The following STRBP variants were observed in gnomAD, a reference collection of about 807,000 sequenced individuals.
STRBP encodes the protein spermatid perinuclear RNA-binding protein.
A neutral mutation model predicts 80.1 loss-of-function variants in STRBP; 13 were observed. The ratio of observed to expected loss-of-function variants is 0.16; its 90% CI spans 0.11 to 0.26. STRBP has a LOEUF of 0.26. STRBP is among the 10% of genes least tolerant of loss of function. The pLI, the probability that STRBP is intolerant of heterozygous loss-of-function variation, is 1.00. For missense variants in STRBP, 485 were observed against 815.2 expected (o/e 0.59, Z 4.93); for synonymous variants, 284 against 291.2 (o/e 0.98, Z 0.25).
intron 2 of STRBP, among the ~76,000 whole-genome samples, chr9:123,203,601 A>G (rs568352712): frequency 6.6e-6 from 1 of 152,022 alleles, no homozygotes; most frequent in South Asian, 2.1e-4. Flanking sequence ...CCCAATATCC[A>G]CATCACCCCT....
At chr9:123,113,667 T>G (rs2132275520) in intron 3 of STRBP, 1 of 167,382 alleles carries the variant, frequency 6.0e-6, no homozygotes, top group South Asian at 2.1e-4. Context: ...GAAGCCTTTG[T>G]GGGGAGGTGG....
chr9:123,145,935 C>G (rs1405079641), intron 13 of STRBP, among the ~76,000 whole-genome samples: 2 of 152,016 alleles, frequency 1.3e-5, no homozygotes, highest in African/African-American at 4.8e-5. Flanking sequence ...GATGTTTACA[C>G]ACTTTGTTGT....
intron 1 of STRBP, among the ~76,000 whole-genome samples, chr9:123,240,548 A>T (rs1430556521): frequency 6.6e-6 from 1 of 152,252 alleles, no homozygotes; most frequent in Non-Finnish European, 1.5e-5. Context: ...TGGATATCAC[A>T]AAATTCAGGT....
At chr9:123,171,263 G>T (rs1440025490) in intron 5 of STRBP, among the ~76,000 whole-genome samples, 1 of 152,088 alleles carries the variant, frequency 6.6e-6, no homozygotes, top group Non-Finnish European at 1.5e-5. Flanking sequence ...TTCTGGTTTT[G>T]GTCATCCTCC....
intron 2 of STRBP, among the ~76,000 whole-genome samples, chr9:123,205,855 T>C (rs2039495508): frequency 6.6e-6 from 1 of 152,210 alleles, no homozygotes; most frequent in Admixed American, 6.5e-5. Context: ...GGCTCAGGTG[T>C]TGATATTATA....
rs2038614200 is a variant in STRBP, at chr9:123,184,417, T to G, written c.-164-119A>C. 3 of 267,186 alleles carry G rather than the reference T, an allele frequency of 1.1e-5. No individual in the cohort carries two copies. In the Admixed American group the frequency reaches 1.6e-4, roughly 14 times the overall value. 16.6% of individuals were successfully genotyped at this position (267,186 alleles called of 1,614,324 possible). ...AGAAATAAACTCAATAGAGGAAAAT[T>G]CCCTCAGTTCAAACAAAAAGCTAAC... is the stretch of plus-strand genomic sequence containing the variant. On this transcript the variant is annotated intron_variant, in intron 2 of 18. Transcript: ENST00000348403.
chr9:123,178,906 GACAAAATCCAAAAAACAGCATAAC>G, intron 4 of STRBP, 77 bp downstream of exon 4: 2 of 1,124,662 alleles, frequency 1.8e-6, no homozygotes, highest in Non-Finnish European at 2.6e-6. Context: ...ATATGCATAA[GACAAAATCCAAAAAACAGCATAAC>G]ACACACTCAA....
intron 2 of STRBP, among the ~76,000 whole-genome samples, chr9:123,225,448 G>A (rs144624206): frequency 2.6e-3 from 403 of 152,252 alleles, no homozygotes; most frequent in African/African-American, 8.5e-3. Context: ...TGGTATACAC[G>A]TGTTATTTCC....
intron 4 of STRBP, among the ~76,000 whole-genome samples, chr9:123,177,620 T>C (rs1266661689): frequency 1.3e-5 from 2 of 152,152 alleles, no homozygotes; most frequent in African/African-American, 4.8e-5. Context: ...TGGAGCATAT[T>C]ATCCTGTACA....
intron 2 of STRBP, among the ~76,000 whole-genome samples, chr9:123,206,657 G>A (rs1005348943): frequency 1.4e-5 from 2 of 146,346 alleles, no homozygotes; most frequent in Non-Finnish European, 3.0e-5. Context: ...TTTTATTTTT[G>A]ACACGGGTTT....
chr9:123,116,171 C>A, intron 2 of STRBP: 1 of 448,952 alleles, frequency 2.2e-6, no homozygotes, highest in Admixed American at 2.4e-5. Context: ...CAAGGGGATC[C>A]CAACACCAGA....
At chr9:123,169,006 G>T (rs2037890481) in intron 6 of STRBP, among the ~76,000 whole-genome samples, 1 of 151,704 alleles carries the variant, frequency 6.6e-6, no homozygotes, top group South Asian at 2.1e-4. Context: ...TGTTAACAGG[G>T]TCACAAACCT....
chr9:123,127,782 A>G (rs547585592), intron 18 of STRBP, among the ~76,000 whole-genome samples: 8 of 152,270 alleles, frequency 5.3e-5, no homozygotes, highest in African/African-American at 1.7e-4. Context: ...GAAGGCTACA[A>G]ATTTGAAGTG....
chr9:123,211,789 CAT>C lies in STRBP; in HGVS notation c.-165+25039_-165+25040del, dbSNP rs551969151. On this transcript the variant is annotated intron_variant, in intron 2 of 18. Transcript: ENST00000348403. Reference sequence around the variant, plus strand: ...AATATAGTGTCCTCCTAACTTATCACATATGAGTATAATTCACAGACTATAAT... The same window carrying C: ...AATATAGTGTCCTCCTAACTTATCACATGAGTATAATTCACAGACTATAAT... Among the ~76,000 whole-genome samples the C allele has an allele frequency of 3.3e-5, 5 of 152,254 alleles. No homozygotes were observed. The East Asian group carries it at 7.7e-4, about 23-fold the overall frequency.
In STRBP at chr9:123,179,072, A is replaced by G. The variant is rs1459733729; in HGVS notation, c.159T>C (p.Asn53=). 1 of 1,614,058 alleles carries G rather than the reference A, an allele frequency of 6.2e-7. No homozygotes were observed. ...TCTCACCCTCTGTTTTTGTGCCTTT[A>G]TTTGTTTCATCCAACCAATCTGAGA... ...KHVSDWLDET[N]KGTKTEGETE... The change falls in exon 4 of 19, where the codon AAT becomes AAC. Residue 53 remains asparagine, a synonymous_variant. Transcript: ENST00000348403.
chr9:123,200,702 G>T (rs2039286449), intron 2 of STRBP, among the ~76,000 whole-genome samples: 1 of 141,956 alleles, frequency 7.0e-6, no homozygotes, highest in South Asian at 2.2e-4. Flanking sequence ...CGAGTAGCTG[G>T]GACTACAGGC....
intron 1 of STRBP, among the ~76,000 whole-genome samples, chr9:123,255,791 T>C (rs2041015066): frequency 1.3e-5 from 2 of 152,164 alleles, no homozygotes; most frequent in Admixed American, 6.5e-5. Context: ...ATTTTCTTTT[T>C]ATCAGAATCA....
intron 11 of STRBP, among the ~76,000 whole-genome samples, chr9:123,151,463 A>C (rs1328293978): frequency 6.6e-6 from 1 of 152,248 alleles, no homozygotes; most frequent in Non-Finnish European, 1.5e-5. Flanking sequence ...GAAGTATCAA[A>C]GGACAGAAAT....
intron 4 of STRBP, among the ~76,000 whole-genome samples, chr9:123,175,433 T>C (rs969282696): frequency 1.5e-4 from 23 of 152,146 alleles, no homozygotes; most frequent in African/African-American, 5.6e-4. Flanking sequence ...AGAAACAAAT[T>C]GTGGCAGTGG....
Sources: allele counts gnomAD v4.1 joint callset (sites outside exome capture counted in the v4.1 genomes callset), GRCh38; gene constraint gnomAD v4.1.1; transcripts MANE v1.5; gene names NCBI Gene and HGNC (gene_info 2026-07-23, HGNC 2026-07-21).